RUFY3: variants seen among roughly 807,000 people sequenced by gnomAD.
RUFY3 encodes RUN and FYVE domain containing 3.
In RUFY3, 34 loss-of-function variants were observed where a neutral mutation model predicts 84.0. The ratio of observed to expected loss-of-function variants is 0.40; its 90% CI spans 0.31 to 0.54. RUFY3 has a LOEUF of 0.54. Among genes scored for constraint, RUFY3 ranks in the 20% least tolerant of loss-of-function variants. The pLI is 0.39. For missense variants in RUFY3, 507 were observed against 736.8 expected, an observed-to-expected ratio of 0.69 and a Z score of 3.61; for synonymous variants, 242 against 252.9, an observed-to-expected ratio of 0.96 and a Z score of 0.41.
chr4:70,722,693 C>G lies in RUFY3; in HGVS notation c.120C>G (p.Leu40=), dbSNP rs1052374518. 1 of 1,614,082 alleles carries G rather than the reference C, an allele frequency of 6.2e-7. No individual in the cohort carries two copies. The highest frequency in any genetic ancestry group is 8.5e-7 in the Non-Finnish European group (1 of 1,180,022). Residue 40 remains leucine, a synonymous_variant, in exon 1 of 18, where the codon CTC becomes CTG. Transcript: ENST00000381006. Reference sequence around the variant, plus strand: ...GAGTGTCCATGGATGGAGAATGGCTCTGCCTGCGAGAGCTGGATGACATCT... The same window carrying G: ...GAGTGTCCATGGATGGAGAATGGCTGTGCCTGCGAGAGCTGGATGACATCT... ...KFRVSMDGEW[L]CLRELDDISL...
intron 12 of RUFY3, chr4:70,789,803 T>TAAAA: frequency 1.2e-6 from 1 of 856,290 alleles, no homozygotes; most frequent in Non-Finnish European, 1.5e-6. Context: ...GACTAGCCTT[T>TAAAA]AAAAAAAAAA....
Position 70,793,874 on chromosome 4 carries a change from A to C in RUFY3, c.1427A>C (p.Gln476Pro). Reference protein sequence around the residue: ...QDFGDKINSLQLEVEELTRQR... With the variant: ...QDFGDKINSLPLEVEELTRQR... ...TTTGGAGACAAGATCAACAGTCTGC[A>C]GCTGGAAGTCGAGGAGCTCACCAGG... Residue 476 changes from glutamine (Q) to proline (P), a missense_variant, in exon 13 of 18, where the codon CAG becomes CCG. Transcript: ENST00000381006. 6.2e-7 allele frequency: 1 copy of C among 1,614,076 alleles called. No homozygotes were observed. Among genetic ancestry groups the C allele is most frequent in the African/African-American group, 1.3e-5 (1 of 75,030 alleles).
intron 4 of RUFY3, among the ~76,000 whole-genome samples, chr4:70,766,018 C>T (rs1725855825): frequency 6.6e-6 from 1 of 152,028 alleles, no homozygotes; most frequent in South Asian, 2.1e-4. Flanking sequence ...ACCTTGGCCT[C>T]CCAAAGTGCT....
chr4:70,741,275 T>G (rs1257841463), intron 1 of RUFY3, among the ~76,000 whole-genome samples: 3 of 152,166 alleles, frequency 2.0e-5, no homozygotes, highest in Non-Finnish European at 2.9e-5. Context: ...AAATAATAGT[T>G]GAGTTAGATT....
chr4:70,802,860 A>G (rs1732403338), intron 15 of RUFY3, 96 bp from the exon 16 acceptor site: 1 of 862,808 alleles, frequency 1.2e-6, no homozygotes, highest in African/African-American at 1.7e-5. Context: ...TTCTTGTTTG[A>G]AAAAAATGTT....
At chr4:70,791,112 A>C in intron 12 of RUFY3, 1 of 831,112 alleles carries the variant, frequency 1.2e-6, no homozygotes. Flanking sequence ...AAAGAGAATA[A>C]TGACTTATCT....
intron 12 of RUFY3, chr4:70,793,332 C>A: frequency 1.0e-6 from 1 of 1,003,562 alleles, no homozygotes; most frequent in Non-Finnish European, 1.2e-6. Flanking sequence ...ACTATAATTC[C>A]ACATATAAGA....
chr4:70,715,401 T>C (rs541269357), intron 1 of RUFY3, among the ~76,000 whole-genome samples: 1 of 151,750 alleles, frequency 6.6e-6, no homozygotes, highest in East Asian at 1.9e-4. Flanking sequence ...CTGGCCAACA[T>C]GGCGAAACCC....
intron 14 of RUFY3, among the ~76,000 whole-genome samples, chr4:70,799,243 G>T (rs189880296): frequency 2.0e-5 from 3 of 151,410 alleles, no homozygotes; most frequent in African/African-American, 7.3e-5. Context: ...ACAGGCTATA[G>T]AGATGGTGGC....
intron 1 of RUFY3, among the ~76,000 whole-genome samples, chr4:70,746,657 A>C (rs1480073614): frequency 6.6e-6 from 1 of 152,230 alleles, no homozygotes; most frequent in Non-Finnish European, 1.5e-5. Flanking sequence ...TTTATAGATA[A>C]GGAAAGTGAC....
At position 70,791,487 on chromosome 4, in the gene RUFY3, C is replaced by T. The variant is rs1730812715; in HGVS notation, c.1337+1895C>T. On this transcript the variant is annotated intron_variant, in intron 12 of 17. Coordinates refer to ENST00000381006, the MANE Select transcript of RUFY3 (RefSeq NM_001037442.4). Reference sequence around the variant, plus strand: ...GGGTTTTTTTCTTATTGTTTTCTCCCCAGGGTTAGAAAAATTGGTATAAGT... The same window carrying T: ...GGGTTTTTTTCTTATTGTTTTCTCCTCAGGGTTAGAAAAATTGGTATAAGT... The T allele has an allele frequency of 1.0e-5, 14 of 1,376,356 alleles. No homozygotes were observed. The South Asian group carries it at 2.5e-4, about 25-fold the overall frequency. The allele number at this position is 1,376,356 out of a possible 1,614,324, so 85.3% of individuals were successfully genotyped here.
chr4:70,793,936 G>T lies in RUFY3; in HGVS notation c.1457+32G>T, dbSNP rs550184865. On this transcript the variant is annotated intron_variant, in intron 13 of 17. Coordinates refer to ENST00000381006, the MANE Select transcript of RUFY3 (RefSeq NM_001037442.4). Reference sequence around the variant, plus strand: ...AGGGGGTAGCTTGAGCTGACAGGGTGGTCATGGGTAATTCTTAGGGTAGAC... The same window carrying T: ...AGGGGGTAGCTTGAGCTGACAGGGTTGTCATGGGTAATTCTTAGGGTAGAC... 1.9e-6 allele frequency: 3 copies of T among 1,610,184 alleles called. No homozygotes were observed. The South Asian group carries it at 3.3e-5, about 18-fold the overall frequency.
intron 1 of RUFY3, among the ~76,000 whole-genome samples, chr4:70,746,844 T>C (rs1173623520): frequency 6.6e-6 from 1 of 152,170 alleles, no homozygotes; most frequent in African/African-American, 2.4e-5. Context: ...CTTGAAGTGA[T>C]GAAAGTATAG....
chr4:70,734,506 G>A, intron 1 of RUFY3: 1 of 985,420 alleles, frequency 1.0e-6, no homozygotes. Flanking sequence ...TACAGTCTCA[G>A]AAGCCTATGG....
At chr4:70,795,029 T>G in intron 14 of RUFY3, 135 bp downstream of exon 14, 1 of 643,756 alleles carries the variant, frequency 1.6e-6, no homozygotes, top group Non-Finnish European at 2.7e-6. Flanking sequence ...GATAGCAAAC[T>G]AGTAATTATG....
chr4:70,807,902 T>C lies in RUFY3; in HGVS notation c.*1243T>C, dbSNP rs139351273. 2.5e-3 allele frequency among the ~76,000 whole-genome samples: 383 copies of C among 152,302 alleles called. 6 individuals are homozygous for C. Among genetic ancestry groups the C allele is most frequent in the East Asian group, 0.012 (60 of 5,178 alleles). On this transcript the variant is annotated 3_prime_UTR_variant, in exon 18 of 18. Transcript: ENST00000381006. ...TGAGTGAGTCACGAATGAGAGCTGA[T>C]AGATGCTTTCTTGAAAAGGGCAATA...
intron 1 of RUFY3, among the ~76,000 whole-genome samples, chr4:70,711,511 A>G (rs1486112682): frequency 6.6e-6 from 1 of 152,132 alleles, no homozygotes; most frequent in Non-Finnish European, 1.5e-5. Flanking sequence ...CAGTGTCCTC[A>G]TTTACCATTC....
chr4:70,804,645 C>T lies in RUFY3; in HGVS notation c.1719+229C>T, dbSNP rs746243747. Among the ~76,000 whole-genome samples, 26 of 151,380 alleles carry T rather than the reference C, an allele frequency of 1.7e-4. 1 individual carries two copies. Among genetic ancestry groups the T allele is most frequent in the Non-Finnish European group, 2.4e-4 (16 of 67,858 alleles). On this transcript the variant is annotated intron_variant, in intron 17 of 17. Transcript: ENST00000381006. ...TAAAATAAACATAAATAGCCAGGCG[C>T]GGTGACTCACGCCTGTAATCCCAGC... is the stretch of plus-strand genomic sequence containing the variant.
chr4:70,774,963 G>A (rs1727678365), intron 6 of RUFY3, among the ~76,000 whole-genome samples: 1 of 151,976 alleles, frequency 6.6e-6, no homozygotes, highest in Non-Finnish European at 1.5e-5. Context: ...AGCTTTATTA[G>A]TGAGGGGTTT....
Sources: gnomAD v4.1 joint callset for allele counts (sites outside exome capture counted in the v4.1 genomes callset) on GRCh38, gnomAD v4.1.1 for gene constraint, MANE v1.5 for transcripts, NCBI Gene and HGNC (gene_info 2026-07-23, HGNC 2026-07-21) for gene names.